Variants in ROBO2 observed in about 807,000 individuals in gnomAD.
The protein encoded by ROBO2 is roundabout guidance receptor 2.
In ROBO2, 53 loss-of-function variants were observed where a neutral mutation model predicts 160.8. That is an observed-to-expected ratio of 0.33 (90% confidence interval 0.26 to 0.41). ROBO2 has a LOEUF of 0.41. ROBO2 is among the 10% of genes least tolerant of loss of function. The pLI, the probability that ROBO2 is intolerant of heterozygous loss-of-function variation, is 1.00. For missense variants in ROBO2, 1,577 were observed against 1,722.4 expected, an observed-to-expected ratio of 0.92 and a Z score of 1.49; for synonymous variants, 664 against 611.7, an observed-to-expected ratio of 1.09 and a Z score of -1.26.
At chr3:76,248,096 A>T (rs1400229567) in intron 2 of ROBO2, among the ~76,000 whole-genome samples, 4 of 152,078 alleles carry the variant, frequency 2.6e-5, no homozygotes, top group African/African-American at 7.3e-5. Context: ...TTCCTCAGGG[A>T]TCTAGAACAA....
At chr3:76,471,192 T>C (rs1320053014) in intron 2 of ROBO2, among the ~76,000 whole-genome samples, 1 of 152,128 alleles carries the variant, frequency 6.6e-6, no homozygotes, top group Non-Finnish European at 1.5e-5. Context: ...CGACAAACTA[T>C]TAGCCAATTT....
At chr3:76,278,801 A>C (rs1305040079) in intron 2 of ROBO2, among the ~76,000 whole-genome samples, 2 of 151,818 alleles carry the variant, frequency 1.3e-5, no homozygotes, top group Non-Finnish European at 1.5e-5. Flanking sequence ...ATTGGGAGAG[A>C]AATCCACTGA....
At position 76,044,808 on chromosome 3, in the gene ROBO2, C is replaced by T. The variant is rs144291953; in HGVS notation, c.109+107206C>T. On this transcript the variant is annotated intron_variant, in intron 2 of 26. Transcript: ENST00000487694. ...TTGCATGTTGTGTAAGAGGGACTTG[C>T]GTTAGGTAAGGTGTCTAGGTTAGCT... Among the ~76,000 whole-genome samples, 19 of 152,058 alleles carry T rather than the reference C, an allele frequency of 1.2e-4. 1 individual carries two copies. Among genetic ancestry groups the T allele is most frequent in the African/African-American group, 4.3e-4 (18 of 41,386 alleles).
At chr3:76,825,070 A>G (rs1383193040) in intron 2 of ROBO2, among the ~76,000 whole-genome samples, 1 of 152,204 alleles carries the variant, frequency 6.6e-6, no homozygotes, top group African/African-American at 2.4e-5. Flanking sequence ...CTCCTCTCCA[A>G]TGGCAGTCAT....
At chr3:77,213,946 G>T (rs2084549566) in intron 2 of ROBO2, among the ~76,000 whole-genome samples, 1 of 152,138 alleles carries the variant, frequency 6.6e-6, no homozygotes, top group Non-Finnish European at 1.5e-5. Context: ...CTGAGAGACA[G>T]TTTGTTATCA....
chr3:77,432,365 A>G (rs1289032469), intron 2 of ROBO2, among the ~76,000 whole-genome samples: 1 of 152,198 alleles, frequency 6.6e-6, no homozygotes, highest in Non-Finnish European at 1.5e-5. Flanking sequence ...ATTCATTTCT[A>G]AACTATTGTT....
intron 2 of ROBO2, among the ~76,000 whole-genome samples, chr3:75,974,814 A>G (rs1018416590): frequency 6.6e-6 from 1 of 151,578 alleles, no homozygotes; most frequent in Non-Finnish European, 1.5e-5. Flanking sequence ...TTACTTTCAC[A>G]ACTTTTTAGA....
At chr3:76,515,534 A>G (rs1297078012) in intron 2 of ROBO2, among the ~76,000 whole-genome samples, 2 of 151,844 alleles carry the variant, frequency 1.3e-5, no homozygotes, top group African/African-American at 4.8e-5. Context: ...GGACTCAGGT[A>G]TGTTGAATTC....
intron 2 of ROBO2, among the ~76,000 whole-genome samples, chr3:76,436,500 C>T (rs950757578): frequency 2.6e-5 from 4 of 152,130 alleles, no homozygotes; most frequent in African/African-American, 7.2e-5. Context: ...CACAGTGCTG[C>T]TAATGTAAAT....
intron 2 of ROBO2, among the ~76,000 whole-genome samples, chr3:76,327,900 A>C: frequency 6.6e-6 from 1 of 152,154 alleles, no homozygotes. Context: ...TTAAGTCTGG[A>C]TAATGGGGAA....
intron 2 of ROBO2, among the ~76,000 whole-genome samples, chr3:76,270,489 C>A (rs1343091567): frequency 1.3e-5 from 2 of 152,048 alleles, no homozygotes; most frequent in East Asian, 3.9e-4. Flanking sequence ...GATTGCATTA[C>A]ACTATAAATG....
chr3:77,566,822 T>A (rs576248424), intron 12 of ROBO2, among the ~76,000 whole-genome samples: 2 of 152,170 alleles, frequency 1.3e-5, no homozygotes, highest in African/African-American at 4.8e-5. Flanking sequence ...AAGGTCAGGA[T>A]TATTTTTGGG....
At chr3:76,052,545 TA>T (rs1297372129) in intron 2 of ROBO2, among the ~76,000 whole-genome samples, 1 of 152,056 alleles carries the variant, frequency 6.6e-6, no homozygotes, top group East Asian at 1.9e-4. Flanking sequence ...TTTTAAAACT[TA>T]GGGTATCTCC....
chr3:76,739,411 G>A (rs174811), intron 2 of ROBO2, among the ~76,000 whole-genome samples: 127,287 of 150,436 alleles, frequency 0.85, 53,927 homozygotes, highest in African/African-American at 0.88. Context: ...GTTCTCACTC[G>A]TAGATGGGAA....
chr3:77,463,967 A>C (rs2082506699), intron 2 of ROBO2, among the ~76,000 whole-genome samples: 1 of 152,192 alleles, frequency 6.6e-6, no homozygotes, highest in African/African-American at 2.4e-5. Context: ...TGCAGAAGTA[A>C]AATTCAAAGT....
intron 2 of ROBO2, among the ~76,000 whole-genome samples, chr3:76,117,234 C>T (rs1049017073): frequency 1.3e-5 from 2 of 152,126 alleles, no homozygotes; most frequent in Non-Finnish European, 2.9e-5. Context: ...AAAATATCTG[C>T]TTGTTCATAG....
intron 2 of ROBO2, among the ~76,000 whole-genome samples, chr3:76,289,058 A>G (rs1368975723): frequency 6.6e-6 from 1 of 152,130 alleles, no homozygotes; most frequent in Non-Finnish European, 1.5e-5. Flanking sequence ...TAAGATCTTT[A>G]AGAAATCTCC....
At chr3:77,158,806 C>T (rs1313275771) in intron 2 of ROBO2, among the ~76,000 whole-genome samples, 2 of 152,110 alleles carry the variant, frequency 1.3e-5, no homozygotes, top group East Asian at 3.9e-4. Context: ...TGAACTGCCA[C>T]TGTTTGATGA....
intron 2 of ROBO2, 57 bp downstream of exon 2, chr3:77,098,397 T>A: frequency 6.5e-7 from 1 of 1,540,298 alleles, no homozygotes; most frequent in Non-Finnish European, 9.0e-7. Context: ...TTCAAGTAAG[T>A]TTTGATGTGT....
Sources: gnomAD v4.1 joint callset for allele counts (sites outside exome capture counted in the v4.1 genomes callset) on GRCh38, gnomAD v4.1.1 for gene constraint, MANE v1.5 for transcripts, NCBI Gene and HGNC (gene_info 2026-07-23, HGNC 2026-07-21) for gene names.